CRYZL1: variants seen among roughly 807,000 people sequenced by gnomAD.
The protein encoded by CRYZL1 is ferry endosomal RAB5 effector complex subunit 4.
Under a neutral mutation model 50.6 loss-of-function variants are expected in CRYZL1, and 34 were observed. The observed-to-expected ratio is 0.67, with a 90% CI of 0.51 to 0.89. The LOEUF (loss-of-function observed/expected upper bound fraction) is 0.89, where lower values mean the gene tolerates loss of function less well. Among genes scored for constraint, CRYZL1 ranks in the 40% least tolerant of loss-of-function variants. The pLI is 0.00. For missense variants in CRYZL1, 354 were observed against 402.3 expected, an observed-to-expected ratio of 0.88 and a Z score of 1.03; for synonymous variants, 125 against 134.3, an observed-to-expected ratio of 0.93 and a Z score of 0.48.
At chr21:33,591,063 G>C (rs1450106252) in intron 12 of CRYZL1, 99 bp downstream of exon 12, 3 of 829,498 alleles carry the variant, frequency 3.6e-6, no homozygotes, top group South Asian at 1.4e-5. Flanking sequence ...GGAGGCAACA[G>C]GTACATGGCG....
At chr21:33,628,474 C>G (rs879620805) in intron 2 of CRYZL1, among the ~76,000 whole-genome samples, 1 of 152,088 alleles carries the variant, frequency 6.6e-6, no homozygotes, top group African/African-American at 2.4e-5. Flanking sequence ...TATTACTGTT[C>G]TCTTCAATTT....
intron 1 of CRYZL1, among the ~76,000 whole-genome samples, chr21:33,637,662 TG>T (rs2087224827): frequency 6.6e-6 from 1 of 151,548 alleles, no homozygotes; most frequent in Non-Finnish European, 1.5e-5. Flanking sequence ...TATAATACTA[TG>T]GCCACTCCAG....
intron 11 of CRYZL1, among the ~76,000 whole-genome samples, chr21:33,592,974 C>T (rs1163004377): frequency 6.6e-6 from 1 of 151,550 alleles, no homozygotes; most frequent in Non-Finnish European, 1.5e-5. Flanking sequence ...ATTGCTTGAA[C>T]CTGGGAGGCA....
At chr21:33,627,468 A>T (rs2087080751) in intron 2 of CRYZL1, among the ~76,000 whole-genome samples, 1 of 152,178 alleles carries the variant, frequency 6.6e-6, no homozygotes, top group South Asian at 2.1e-4. Context: ...AACTCTCATA[A>T]TTATTATGAA....
intron 1 of CRYZL1, chr21:33,640,255 T>A: frequency 6.5e-7 from 1 of 1,539,250 alleles, no homozygotes. Context: ...TTATCTTGTA[T>A]GGCGAACTAC....
At chr21:33,638,100 T>C (rs1344573554) in intron 1 of CRYZL1, among the ~76,000 whole-genome samples, 1 of 152,012 alleles carries the variant, frequency 6.6e-6, no homozygotes, top group African/African-American at 2.4e-5. Context: ...TATGCCCAAA[T>C]ATTTGATTAA....
intron 9 of CRYZL1, 122 bp from the exon 10 acceptor site, chr21:33,597,523 C>G: frequency 1.3e-6 from 1 of 784,146 alleles, no homozygotes; most frequent in South Asian, 1.9e-5. Flanking sequence ...ACTATGTTGC[C>G]CAGGCTGGCC....
At position 33,626,471 on chromosome 21, in the gene CRYZL1, T is replaced by A. The variant is rs539360143; in HGVS notation, c.67-1711A>T. On this transcript the variant is annotated intron_variant, in intron 2 of 12. Coordinates refer to ENST00000381554, the MANE Select transcript of CRYZL1 (RefSeq NM_145858.3). ...CAGCACTTTGGGAGGCCGAGGTAAG[T>A]GGATCACTTAAGGTCAGGAGTTTGA... Among the ~76,000 whole-genome samples, 15 of 151,410 alleles carry A rather than the reference T, an allele frequency of 9.9e-5. 1 individual carries two copies. The South Asian group carries it at 3.1e-3, about 32-fold the overall frequency.
chr21:33,618,288 C>CAAAAAA (rs35810127), intron 4 of CRYZL1, among the ~76,000 whole-genome samples: 30 of 90,940 alleles, frequency 3.3e-4, no homozygotes, highest in South Asian at 4.1e-4. Context: ...GACTCCGTCT[C>CAAAAAA]AAAAAAAAAA....
chr21:33,624,553 T>C, intron 3 of CRYZL1, 130 bp downstream of exon 3: 5 of 1,426,306 alleles, frequency 3.5e-6, no homozygotes, highest in Non-Finnish European at 4.6e-6. Context: ...CCGTCTCAAA[T>C]AAAAAAATTA....
intron 11 of CRYZL1, among the ~76,000 whole-genome samples, chr21:33,592,703 TG>T (rs2086655226): frequency 6.6e-6 from 1 of 152,150 alleles, no homozygotes; most frequent in African/African-American, 2.4e-5. Context: ...TTGTATGAAC[TG>T]AATGAGGAGG....
chr21:33,617,063 G>C (rs920600635), intron 4 of CRYZL1: 3 of 175,494 alleles, frequency 1.7e-5, no homozygotes, highest in Non-Finnish European at 3.6e-5. Flanking sequence ...TGTCAACCAG[G>C]CTGGAGTTTG....
At chr21:33,591,353 T>C (rs2086641032) in intron 11 of CRYZL1, 146 bp from the exon 12 acceptor site, 2 of 675,804 alleles carry the variant, frequency 3.0e-6, no homozygotes, top group East Asian at 2.6e-5. Flanking sequence ...AGAAATTCTG[T>C]AGGACGTCAA....
At chr21:33,596,480 A>G (rs748063194) in intron 10 of CRYZL1, among the ~76,000 whole-genome samples, 2 of 151,952 alleles carry the variant, frequency 1.3e-5, no homozygotes, top group Non-Finnish European at 1.5e-5. Context: ...TCTACTAAAT[A>G]TACAAAAATT....
At chr21:33,604,320 C>T (rs1338843609) in intron 6 of CRYZL1, among the ~76,000 whole-genome samples, 6 of 135,332 alleles carry the variant, frequency 4.4e-5, no homozygotes, top group Non-Finnish European at 9.2e-5. Context: ...CATGCCAATG[C>T]ACTCCAGCCT....
Position 33,591,206 on chromosome 21 carries a change from A to G in CRYZL1, c.906T>C (p.Cys302=). 3.1e-6 allele frequency: 5 copies of G among 1,609,374 alleles called. No homozygotes were observed. The highest frequency in any genetic ancestry group is 4.3e-6 in the Non-Finnish European group (5 of 1,175,710). The part of the protein sequence containing the change: ...LSNVQQGKYL[C]ILKDVMEKLS... Reference sequence around the variant, plus strand: ...ACTTCTCCATCACATCCTTTAAGATACGTAGCTGGAAGGATTGTTAAGGTG... The same window carrying G: ...ACTTCTCCATCACATCCTTTAAGATGCGTAGCTGGAAGGATTGTTAAGGTG... Residue 302 remains cysteine, a splice_region_variant and synonymous_variant, in exon 12 of 13, where the codon TGT becomes TGC. Transcript: ENST00000381554.
At chr21:33,638,210 CTTTTTTTTTTT>C (rs569863892) in intron 1 of CRYZL1, among the ~76,000 whole-genome samples, 1 of 126,810 alleles carries the variant, frequency 7.9e-6, no homozygotes, top group Admixed American at 8.0e-5. Context: ...GTCAGGTCTG[CTTTTTTTTTTT>C]TTTTTTTTTG....
chr21:33,637,259 C>T (rs957806208), intron 1 of CRYZL1, among the ~76,000 whole-genome samples: 3 of 151,972 alleles, frequency 2.0e-5, no homozygotes, highest in African/African-American at 7.2e-5. Flanking sequence ...TCCTGGCTAA[C>T]ACGGTGAAAC....
chr21:33,599,828 T>A (rs922367587), intron 8 of CRYZL1, among the ~76,000 whole-genome samples: 1 of 151,522 alleles, frequency 6.6e-6, no homozygotes, highest in African/African-American at 2.4e-5. Context: ...AGGGAGAGGG[T>A]CTTGCTATGT....
Sources: allele counts gnomAD v4.1 joint callset (sites outside exome capture counted in the v4.1 genomes callset), GRCh38; gene constraint gnomAD v4.1.1; transcripts MANE v1.5; gene names NCBI Gene and HGNC (gene_info 2026-07-23, HGNC 2026-07-21).